The following TMEM214 variants were observed in gnomAD, a reference collection of about 807,000 sequenced individuals.
TMEM214 encodes the protein transmembrane protein 214.
In TMEM214, 71 loss-of-function variants were observed where a neutral mutation model predicts 89.8. The ratio of observed to expected loss-of-function variants is 0.79; its 90% CI spans 0.65 to 0.96. The LOEUF (loss-of-function observed/expected upper bound fraction) is 0.96, where lower values mean the gene tolerates loss of function less well. Ranked by LOEUF, TMEM214 falls within the 40% of genes least tolerant of loss-of-function variation. The probability of loss-of-function intolerance (pLI) is 0.00; values close to 1 mark genes in which losing one functional copy is unlikely to be tolerated. For synonymous variants in TMEM214, 332 were observed against 349.5 expected, an observed-to-expected ratio of 0.95 and a Z score of 0.56; for missense variants, 754 against 843.4, an observed-to-expected ratio of 0.89 and a Z score of 1.31.
In TMEM214 at chr2:27,040,012, C is replaced by G. The variant is rs774027776; in HGVS notation, c.1623-18C>G. 24 of 1,599,526 alleles carry G rather than the reference C, an allele frequency of 1.5e-5. No individual in the cohort carries two copies. The Admixed American group carries it at 2.3e-4, about 16-fold the overall frequency. ...GAGGAGACTCAGAGCCCTCTTCCCCCACTTCCATCTTCCACAGCTGGCTGG... is the reference window on the plus strand; with the variant it reads ...GAGGAGACTCAGAGCCCTCTTCCCCGACTTCCATCTTCCACAGCTGGCTGG... On this transcript the variant is annotated intron_variant, in intron 14 of 16. Coordinates refer to ENST00000238788, the MANE Select transcript of TMEM214 (RefSeq NM_017727.5).
chr2:27,038,375 G>A lies in TMEM214; in HGVS notation c.1245-109G>A. On this transcript the variant is annotated intron_variant, in intron 10 of 16. Coordinates refer to ENST00000238788, the MANE Select transcript of TMEM214 (RefSeq NM_017727.5). This position sits in a 1 kb window ranked among gnomAD's most constrained non-coding sequence, Gnocchi z 4.4. Reference sequence around the variant, plus strand: ...CCTCTAGGAAGCTGCTGCTCTGTGGGTGGTAGGTGGAGGGTCTTTCAGCCT... The same window carrying A: ...CCTCTAGGAAGCTGCTGCTCTGTGGATGGTAGGTGGAGGGTCTTTCAGCCT... The A allele has an allele frequency of 3.9e-6, 6 of 1,542,888 alleles. No homozygotes were observed. In the Admixed American group the frequency reaches 1.0e-4, roughly 26 times the overall value.
intron 2 of TMEM214, 112 bp downstream of exon 2, chr2:27,034,378 T>G: frequency 8.0e-7 from 1 of 1,256,910 alleles, no homozygotes; most frequent in Non-Finnish European, 1.1e-6. Flanking sequence ...TTGAAACACT[T>G]TAAGGGTTGA....
At chr2:27,033,382 T>A (rs1340027233) in intron 1 of TMEM214, among the ~76,000 whole-genome samples, 2 of 152,158 alleles carry the variant, frequency 1.3e-5, no homozygotes, top group Non-Finnish European at 2.9e-5. Context: ...GTTGGATACC[T>A]TGGCCAGGGT....
intron 13 of TMEM214, 194 bp from the exon 14 acceptor site, chr2:27,039,547 C>T: frequency 3.2e-6 from 2 of 621,464 alleles, no homozygotes; most frequent in Non-Finnish European, 5.8e-6. Flanking sequence ...TGCATTCCTG[C>T]ACACCTGGCC....
chr2:27,041,508 C>T lies in TMEM214; in HGVS notation c.*671C>T, dbSNP rs1667833147. The T allele has an allele frequency of 6.5e-6, 1 of 154,312 alleles. No individual in the cohort carries two copies. The highest frequency in any genetic ancestry group is 1.5e-5 in the Non-Finnish European group (1 of 68,458). The allele number at this position is 154,312 out of a possible 1,614,324, so 9.6% of individuals were successfully genotyped here. On this transcript the variant is annotated 3_prime_UTR_variant, in exon 17 of 17. Transcript: ENST00000238788. ...TTCCAACTTTCCATTCCCCATCATG[C>T]TGGGGGTCTTGGTCACAAGGCTCAG... is the stretch of plus-strand genomic sequence containing the variant.
At chr2:27,039,459 G>T in intron 13 of TMEM214, 1 of 592,780 alleles carries the variant, frequency 1.7e-6, no homozygotes, top group South Asian at 2.0e-5. Context: ...ATTAGCTTTA[G>T]GTCATAGCTA....
chr2:27,037,176 C>A lies in TMEM214; in HGVS notation c.1008C>A (p.Pro336=). Residue 336 remains proline, a splice_region_variant and synonymous_variant, in exon 8 of 17, where the codon CCC becomes CCA. Transcript: ENST00000238788. ...ATATGCCGAACAACTCCCTGACACC[C>A]AGGTAGGACTGCTCTGGGGCACACC... is the stretch of plus-strand genomic sequence containing the variant. ...FAYMPNNSLT[P]SLQEQLCQLY... is the part of the protein sequence containing the mutation. 6.2e-7 allele frequency: 1 copy of A among 1,611,878 alleles called. No individual in the cohort carries two copies. Among genetic ancestry groups the A allele is most frequent in the Non-Finnish European group, 8.5e-7 (1 of 1,178,094 alleles).
chr2:27,034,955 G>A (rs927728627), intron 2 of TMEM214, among the ~76,000 whole-genome samples, 180 bp from the exon 3 acceptor site: 13 of 152,184 alleles, frequency 8.5e-5, no homozygotes, highest in African/African-American at 3.1e-4. Flanking sequence ...CAGCTGTCCT[G>A]TTCCATTCTT....
At position 27,040,003 on chromosome 2, in the gene TMEM214, C is replaced by T. The variant is rs879088144; in HGVS notation, c.1623-27C>T. The stretch of plus-strand genomic sequence containing the variant: ...AGTGGGCCTGAGGAGACTCAGAGCC[C>T]TCTTCCCCCACTTCCATCTTCCACA... On this transcript the variant is annotated intron_variant, in intron 14 of 16. Coordinates refer to ENST00000238788, the MANE Select transcript of TMEM214 (RefSeq NM_017727.5). 20 of 1,598,066 alleles carry T rather than the reference C, an allele frequency of 1.3e-5. No individual in the cohort carries two copies. In the South Asian group the frequency reaches 1.4e-4, roughly 11 times the overall value.
intron 3 of TMEM214, 92 bp from the exon 4 acceptor site, chr2:27,035,502 C>A: frequency 6.4e-7 from 1 of 1,556,098 alleles, no homozygotes. Context: ...GGGGCCTTTG[C>A]CTCCACTCAC....
In TMEM214 at chr2:27,037,557, C is replaced by T; in HGVS notation, c.1011-4C>T. Reference sequence around the variant, plus strand: ...TGCCTGTCTTTCCTCCCCACCCCACCCAGCCTGCAGGAGCAGCTGTGTCAG... The same window carrying T: ...TGCCTGTCTTTCCTCCCCACCCCACTCAGCCTGCAGGAGCAGCTGTGTCAG... On this transcript the variant is annotated splice_region_variant and splice_polypyrimidine_tract_variant and intron_variant, in intron 8 of 16. Coordinates refer to ENST00000238788, the MANE Select transcript of TMEM214 (RefSeq NM_017727.5). 1.2e-6 allele frequency: 2 copies of T among 1,614,154 alleles called. No individual in the cohort carries two copies. Among genetic ancestry groups the T allele is most frequent in the South Asian group, 1.1e-5 (1 of 91,086 alleles).
chr2:27,036,094 T>TG, intron 5 of TMEM214, 42 bp downstream of exon 5: 1 of 1,583,332 alleles, frequency 6.3e-7, no homozygotes. Flanking sequence ...AAGCTAGGAC[T>TG]GGGGAGGCTG....
chr2:27,034,204 A>ACTC lies in TMEM214; in HGVS notation c.294_296dup (p.Pro99dup), dbSNP rs1020050537. On this transcript the variant is annotated inframe_insertion, in exon 2 of 17. Coordinates refer to ENST00000238788, the MANE Select transcript of TMEM214 (RefSeq NM_017727.5). ...CAAGAAGCAGCCAAAGAAGGTGGCA[A>ACTC]CTCCTCCCAACCAAAACCAGAAGCA... 5 of 1,614,050 alleles carry ACTC rather than the reference A, an allele frequency of 3.1e-6. No individual in the cohort carries two copies. The highest frequency in any genetic ancestry group is 4.2e-6 in the Non-Finnish European group (5 of 1,180,012).
rs1404133333 is a variant in TMEM214, at chr2:27,038,033, G to A, written c.1153-113G>A. The A allele has an allele frequency of 6.2e-7, 1 of 1,609,328 alleles. No individual in the cohort carries two copies. Among genetic ancestry groups the A allele is most frequent in the Admixed American group, 1.7e-5 (1 of 59,564 alleles). On this transcript the variant is annotated intron_variant, in intron 9 of 16. Coordinates refer to ENST00000238788, the MANE Select transcript of TMEM214 (RefSeq NM_017727.5). The surrounding 1 kb of genome is among the most constrained non-coding windows in gnomAD (Gnocchi z 4.4). Reference sequence around the variant, plus strand: ...TGACACTGTTTCTCCACCCCTTAGGGTGGATGTGCGGCCTGGATGGCCTTG... The same window carrying A: ...TGACACTGTTTCTCCACCCCTTAGGATGGATGTGCGGCCTGGATGGCCTTG...
At chr2:27,037,815 C>T (rs1407947913) in intron 9 of TMEM214, 113 bp downstream of exon 9, 1 of 1,604,030 alleles carries the variant, frequency 6.2e-7, no homozygotes, top group South Asian at 1.1e-5. Context: ...TTTTCCTTAG[C>T]TCCCTGTTGA....
At position 27,038,187 on chromosome 2, in the gene TMEM214, C is replaced by T. The variant is rs1667657593; in HGVS notation, c.1194C>T (p.Leu398=). 3 of 1,614,088 alleles carry T rather than the reference C, an allele frequency of 1.9e-6. No individual in the cohort carries two copies. The highest frequency in any genetic ancestry group is 2.7e-5 in the African/African-American group (2 of 74,926). The change falls in exon 10 of 17, where the codon CTC becomes CTT. Residue 398 remains leucine, a synonymous_variant. Coordinates refer to ENST00000238788, the MANE Select transcript of TMEM214 (RefSeq NM_017727.5). This position sits in a 1 kb window ranked among gnomAD's most constrained non-coding sequence, Gnocchi z 4.4. ...CTGAGTGCCTGACGGTGGACCCCCTCAGTGCCAGCGTCTGGAGGCAGCTGT... is the reference window on the plus strand; with the variant it reads ...CTGAGTGCCTGACGGTGGACCCCCTTAGTGCCAGCGTCTGGAGGCAGCTGT... The part of the protein sequence containing the change: ...SLTECLTVDP[L]SASVWRQLYP...
intron 8 of TMEM214, 146 bp downstream of exon 8, chr2:27,037,324 C>G (rs1027311468): frequency 7.2e-6 from 6 of 832,668 alleles, no homozygotes; most frequent in Admixed American, 2.1e-5. Flanking sequence ...GAACAGTGAC[C>G]CCTTGAAATT....
At chr2:27,037,762 T>A in intron 9 of TMEM214, 60 bp downstream of exon 9, 1 of 1,613,892 alleles carries the variant, frequency 6.2e-7, no homozygotes, top group Non-Finnish European at 8.5e-7. Flanking sequence ...GCGGTCCCTA[T>A]CTGCTGACAA....
chr2:27,038,324 G>T lies in TMEM214; in HGVS notation c.1244+87G>T. On this transcript the variant is annotated intron_variant, in intron 10 of 16. Coordinates refer to ENST00000238788, the MANE Select transcript of TMEM214 (RefSeq NM_017727.5). The surrounding 1 kb of genome is among the most constrained non-coding windows in gnomAD (Gnocchi z 4.4). ...TGTCCCATGGCCTGACACCTTTCAG[G>T]CTGAGTGGGAACATTGCTGGAGCAG... is the stretch of plus-strand genomic sequence containing the variant. The T allele has an allele frequency of 1.9e-6, 3 of 1,557,006 alleles. No individual in the cohort carries two copies. The highest frequency in any genetic ancestry group is 2.7e-6 in the Non-Finnish European group (3 of 1,131,488).
Sources: gnomAD v4.1 joint callset for allele counts (sites outside exome capture counted in the v4.1 genomes callset) on GRCh38, gnomAD v4.1.1 for gene constraint, Gnocchi (gnomAD v3.1) non-coding constraint, MANE v1.5 for transcripts, NCBI Gene and HGNC (gene_info 2026-07-23, HGNC 2026-07-21) for gene names.